Variants in GRIA4 observed in about 807,000 individuals in gnomAD.
The protein encoded by GRIA4 is glutamate ionotropic receptor AMPA type subunit 4, also known as glutamate receptor 4.
Under a neutral mutation model 104.0 loss-of-function variants are expected in GRIA4, and 34 were observed. The ratio of observed to expected loss-of-function variants is 0.33; its 90% CI spans 0.25 to 0.44. The LOEUF (loss-of-function observed/expected upper bound fraction) is 0.44. Among genes scored for constraint, GRIA4 ranks in the 20% least tolerant of loss-of-function variants. The pLI is 1.00. For missense variants in GRIA4, 750 were observed against 1,096.5 expected (o/e 0.68, Z 4.46); for synonymous variants, 386 against 381.9 (o/e 1.01, Z -0.13).
chr11:105,760,228 C>T lies in GRIA4; in HGVS notation c.487+7008C>T, dbSNP rs142701245. 3.2e-4 allele frequency among the ~76,000 whole-genome samples: 48 copies of T among 152,224 alleles called. 1 individual carries two copies. The East Asian group carries it at 3.9e-3, about 12-fold the overall frequency. On this transcript the variant is annotated intron_variant, in intron 4 of 16. Coordinates refer to ENST00000282499, the MANE Select transcript of GRIA4 (RefSeq NM_000829.4). ...GCTACTAATACAGGAGCCTTCTTTA[C>T]TCCATGTTTTCCCTTCAAGCAACCG...
intron 3 of GRIA4, among the ~76,000 whole-genome samples, chr11:105,738,060 T>A: frequency 7.5e-6 from 1 of 133,938 alleles, no homozygotes. Flanking sequence ...CCTGGATGCC[T>A]CCCTCTCATG....
At chr11:105,635,256 T>G (rs1384508108) in intron 3 of GRIA4, among the ~76,000 whole-genome samples, 1 of 152,148 alleles carries the variant, frequency 6.6e-6, no homozygotes, top group Non-Finnish European at 1.5e-5. Context: ...GGAAATTAAC[T>G]GCCTAAGAGT....
chr11:105,624,308 G>T (rs1950829902), intron 3 of GRIA4, among the ~76,000 whole-genome samples: 1 of 152,018 alleles, frequency 6.6e-6, no homozygotes, highest in Non-Finnish European at 1.5e-5. Context: ...GCTGACAAAA[G>T]AAATTCAAAA....
intron 3 of GRIA4, among the ~76,000 whole-genome samples, chr11:105,747,583 A>G (rs933337910): frequency 1.3e-5 from 2 of 152,204 alleles, no homozygotes; most frequent in African/African-American, 2.4e-5. Flanking sequence ...AAGTATGAAT[A>G]TAAAACAAGA....
In GRIA4 at chr11:105,617,144, CTTA is replaced by C. The variant is rs200519682; in HGVS notation, c.247+4714_247+4716del. On this transcript the variant is annotated intron_variant, in intron 3 of 16. Coordinates refer to ENST00000282499, the MANE Select transcript of GRIA4 (RefSeq NM_000829.4). ...ATACATATGATTATATATATAAAAT[CTTA>C]TTAGAGCAATATTATTATTCTGGAT... 2.4e-4 allele frequency among the ~76,000 whole-genome samples: 36 copies of C among 148,826 alleles called. No homozygotes were observed. In the East Asian group the frequency reaches 6.8e-3, roughly 28 times the overall value.
chr11:105,944,051 A>G (rs1227609317), intron 14 of GRIA4, among the ~76,000 whole-genome samples: 1 of 152,198 alleles, frequency 6.6e-6, no homozygotes, highest in African/African-American at 2.4e-5. Context: ...TGCCATATTT[A>G]TATCATCCAA....
At chr11:105,667,863 CT>C (rs1238553352) in intron 3 of GRIA4, among the ~76,000 whole-genome samples, 2 of 151,740 alleles carry the variant, frequency 1.3e-5, no homozygotes, top group African/African-American at 2.4e-5. Context: ...GAAATCTACC[CT>C]TTTAGAAAAC....
chr11:105,874,163 T>A (rs543510442), intron 5 of GRIA4, among the ~76,000 whole-genome samples: 1 of 152,340 alleles, frequency 6.6e-6, no homozygotes, highest in South Asian at 2.1e-4. Context: ...GCACCATTTA[T>A]GGAATAGGAG....
intron 4 of GRIA4, among the ~76,000 whole-genome samples, chr11:105,779,040 G>GT (rs534999813): frequency 0.039 from 5,770 of 147,088 alleles, 296 homozygotes; most frequent in African/African-American, 0.11. Flanking sequence ...GCGGTGTTTG[G>GT]TTTTTTGTCC....
intron 13 of GRIA4, among the ~76,000 whole-genome samples, chr11:105,933,375 A>G (rs1469571363): frequency 6.6e-6 from 1 of 152,176 alleles, no homozygotes; most frequent in Non-Finnish European, 1.5e-5. Context: ...ATGTGATATA[A>G]AACATGATTT....
chr11:105,806,716 A>T lies in GRIA4; in HGVS notation c.487+53496A>T, dbSNP rs1418133693. On this transcript the variant is annotated intron_variant, in intron 4 of 16. Coordinates refer to ENST00000282499, the MANE Select transcript of GRIA4 (RefSeq NM_000829.4). Reference sequence around the variant, plus strand: ...TTTTAGTGCCTTATTTGTAAATATTAGTGCACAGCCACTGAGAAATTCAAG... The same window carrying T: ...TTTTAGTGCCTTATTTGTAAATATTTGTGCACAGCCACTGAGAAATTCAAG... Among the ~76,000 whole-genome samples the T allele has an allele frequency of 4.6e-5, 7 of 151,474 alleles. No individual in the cohort carries two copies. The East Asian group carries it at 1.2e-3, about 25-fold the overall frequency.
chr11:105,618,521 A>C (rs539522723), intron 3 of GRIA4, among the ~76,000 whole-genome samples: 13 of 152,066 alleles, frequency 8.5e-5, no homozygotes, highest in Admixed American at 8.5e-4. Context: ...TAAAAATAAA[A>C]GATGTTTTTT....
intron 4 of GRIA4, among the ~76,000 whole-genome samples, chr11:105,812,729 C>A (rs760163984): frequency 1.3e-4 from 20 of 152,066 alleles, no homozygotes; most frequent in Non-Finnish European, 1.9e-4. Context: ...CTCGCTAAAT[C>A]ATTCTGCTCA....
intron 4 of GRIA4, among the ~76,000 whole-genome samples, chr11:105,831,184 T>C (rs1264411112): frequency 2.6e-5 from 4 of 152,062 alleles, no homozygotes; most frequent in Admixed American, 1.3e-4. Context: ...GGCAAGTTGG[T>C]ATCAGCTCTC....
At chr11:105,640,363 C>A (rs1056141172) in intron 3 of GRIA4, among the ~76,000 whole-genome samples, 1 of 151,500 alleles carries the variant, frequency 6.6e-6, no homozygotes, top group African/African-American at 2.4e-5. Context: ...AATTAACATA[C>A]CTGGGGGTAG....
At chr11:105,687,408 T>C (rs1952918079) in intron 3 of GRIA4, among the ~76,000 whole-genome samples, 1 of 152,200 alleles carries the variant, frequency 6.6e-6, no homozygotes, top group East Asian at 1.9e-4. Flanking sequence ...AGTTATGCTA[T>C]ATAGAAGGCA....
chr11:105,693,845 G>C (rs1287124078), intron 3 of GRIA4, among the ~76,000 whole-genome samples: 2 of 152,064 alleles, frequency 1.3e-5, no homozygotes, highest in Non-Finnish European at 2.9e-5. Flanking sequence ...TTGGAACATA[G>C]CCAGGCTCAT....
intron 3 of GRIA4, among the ~76,000 whole-genome samples, chr11:105,678,606 T>TA (rs1441991878): frequency 4.6e-5 from 7 of 152,246 alleles, no homozygotes; most frequent in Non-Finnish European, 1.0e-4. Flanking sequence ...ATAGGTTCTA[T>TA]GTCTAACCTT....
chr11:105,925,231 T>C (rs1022025898), intron 12 of GRIA4, among the ~76,000 whole-genome samples: 3 of 152,174 alleles, frequency 2.0e-5, no homozygotes, highest in Admixed American at 6.6e-5. Context: ...TGAGTCAAGA[T>C]AGTAGGTACC....
Sources: gnomAD v4.1 joint callset for allele counts (sites outside exome capture counted in the v4.1 genomes callset) on GRCh38, gnomAD v4.1.1 for gene constraint, MANE v1.5 for transcripts, NCBI Gene and HGNC (gene_info 2026-07-23, HGNC 2026-07-21) for gene names.